The following ELP1 variants were observed in gnomAD, a reference collection of about 807,000 sequenced individuals.
ELP1 encodes the protein elongator complex protein 1.
Under a neutral mutation model 183.2 loss-of-function variants are expected in ELP1, and 131 were observed. The ratio of observed to expected loss-of-function variants is 0.72; its 90% CI spans 0.62 to 0.83. ELP1 has a LOEUF of 0.83. Among genes scored for constraint, ELP1 ranks in the 40% least tolerant of loss-of-function variants. ELP1 has a pLI of 0.00. For missense variants in ELP1, 1,550 were observed against 1,594.9 expected (o/e 0.97, Z 0.48); for synonymous variants, 555 against 569.0 (o/e 0.98, Z 0.35).
chr9:108,916,306 GA>G lies in ELP1; in HGVS notation c.865-10del. The G allele has an allele frequency of 6.2e-7, 1 of 1,605,234 alleles. No homozygotes were observed. The highest frequency in any genetic ancestry group is 8.5e-7 in the Non-Finnish European group (1 of 1,172,022). On this transcript the variant is annotated splice_polypyrimidine_tract_variant and intron_variant, in intron 9 of 36. Transcript: ENST00000374647. ...CAGAGCAAGTCATTTACCTAGAAGG[GA>G]AAAAAGATCTGTCATTGGCTTTCAG...
chr9:108,871,390 C>T (rs1827454624), intron 36 of ELP1, among the ~76,000 whole-genome samples: 1 of 152,138 alleles, frequency 6.6e-6, no homozygotes, highest in Admixed American at 6.5e-5. Context: ...CTTTAAAAGG[C>T]AGTCCCCTTA....
At position 108,917,553 on chromosome 9, in the gene ELP1, C is replaced by T. The variant is rs147517999; in HGVS notation, c.858G>A (p.Glu286=). The T allele has an allele frequency of 3.7e-6, 6 of 1,613,654 alleles. No individual in the cohort carries two copies. In the African/African-American group the frequency reaches 6.7e-5, roughly 18 times the overall value. The change falls in exon 9 of 37, where the codon GAG becomes GAA. Residue 286 remains glutamate (E), a synonymous_variant. Transcript: ENST00000374647. The stretch of plus-strand genomic sequence containing the variant: ...AACAAACTCAGGCACTTACCTTAAC[C>T]TCATCTTTAAGGAAGGGAAGTGTAA... ...GHFTLPFLKD[E]VKVNDLLWNA... is the part of the protein sequence containing the mutation.
intron 29 of ELP1, among the ~76,000 whole-genome samples, chr9:108,885,533 A>G (rs1828092805): frequency 1.3e-5 from 2 of 152,220 alleles, no homozygotes; most frequent in Non-Finnish European, 2.9e-5. Flanking sequence ...CTTTCATTAA[A>G]GAAAACTCCT....
chr9:108,919,794 TGGTAAAGGCAG>T (rs1473632346), intron 6 of ELP1, among the ~76,000 whole-genome samples: 1 of 151,642 alleles, frequency 6.6e-6, no homozygotes, highest in East Asian at 1.9e-4. Context: ...GCCACAGAGG[TGGTAAAGGCAG>T]CAGCAGACAA....
In ELP1 at chr9:108,875,046, C is replaced by T. The variant is rs1306132914; in HGVS notation, c.3856-76G>A. 4.2e-6 allele frequency: 4 copies of T among 962,552 alleles called. No homozygotes were observed. In the South Asian group the frequency reaches 5.1e-5, roughly 12 times the overall value. The allele number at this position is 962,552 out of a possible 1,614,324, so 59.6% of individuals were successfully genotyped here. On this transcript the variant is annotated intron_variant, in intron 35 of 36. Transcript: ENST00000374647. ...ACTGCCAATACCAAAGGCCAAATCC[C>T]TACCCCCAGAAAACAGCCTGTCATT... is the stretch of plus-strand genomic sequence containing the variant.
At chr9:108,920,552 G>A (rs1829608437) in intron 6 of ELP1, among the ~76,000 whole-genome samples, 1 of 152,188 alleles carries the variant, frequency 6.6e-6, no homozygotes, top group African/African-American at 2.4e-5. Context: ...AAAGTGCTGG[G>A]ATTGCAGGCA....
intron 25 of ELP1, among the ~76,000 whole-genome samples, chr9:108,895,222 T>G (rs1828494196): frequency 6.6e-6 from 1 of 152,020 alleles, no homozygotes. Context: ...GAGCCCGACC[T>G]TGTCTCAAAA....
chr9:108,878,065 G>A lies in ELP1; in HGVS notation c.3785C>T (p.Thr1262Met), dbSNP rs199723919. The part of the protein sequence containing the change: ...GRELQKAFED[T>M]LQLMERSLPE... ...AAGTGACCTTTCCATCAACTGCAGC[G>A]TATCTTCAAAGGCCTTCTGTAATTC... Residue 1262 changes from threonine (T) to methionine (M), a missense_variant, in exon 35 of 37, where the codon ACG becomes ATG. Physicochemically the swap from Thr to Met is moderately conservative, Grantham distance 81. Transcript: ENST00000374647. The A allele has an allele frequency of 4.1e-5, 66 of 1,613,724 alleles. No individual in the cohort carries two copies. The highest frequency in any genetic ancestry group is 8.9e-5 in the East Asian group (4 of 44,880).
At chr9:108,885,961 A>G (rs1011524106) in intron 29 of ELP1, among the ~76,000 whole-genome samples, 1 of 152,236 alleles carries the variant, frequency 6.6e-6, no homozygotes, top group Non-Finnish European at 1.5e-5. Context: ...CTTCTTGCAT[A>G]AACAGGCCTT....
intron 18 of ELP1, among the ~76,000 whole-genome samples, chr9:108,900,818 T>C (rs1489106312): frequency 6.2e-5 from 6 of 96,452 alleles, no homozygotes; most frequent in Admixed American, 1.1e-4. Flanking sequence ...CACACACACA[T>C]ACACGCCACA....
intron 10 of ELP1, among the ~76,000 whole-genome samples, chr9:108,915,018 G>A (rs1220041232): frequency 6.6e-6 from 1 of 152,070 alleles, no homozygotes; most frequent in African/African-American, 2.4e-5. Flanking sequence ...TTTGAATAGT[G>A]ATTATTACGA....
chr9:108,893,256 A>G (rs747810971), intron 26 of ELP1, among the ~76,000 whole-genome samples, 173 bp from the exon 27 acceptor site: 3 of 152,226 alleles, frequency 2.0e-5, no homozygotes, highest in Non-Finnish European at 4.4e-5. Context: ...GCACCACTGC[A>G]GATTCTGAGG....
Position 108,889,407 on chromosome 9 carries a change from A to T in ELP1, c.3161-14T>A. 1 of 1,613,418 alleles carries T rather than the reference A, an allele frequency of 6.2e-7. No homozygotes were observed. The highest frequency in any genetic ancestry group is 8.5e-7 in the Non-Finnish European group (1 of 1,179,346). On this transcript the variant is annotated splice_polypyrimidine_tract_variant and intron_variant, in intron 28 of 36. Coordinates refer to ENST00000374647, the MANE Select transcript of ELP1 (RefSeq NM_003640.5). ...CAACCAGCTTTCCTGTAGAGACAATAAGCAGCAGTTGACTACAAAGTTAAA... is the reference window on the plus strand; with the variant it reads ...CAACCAGCTTTCCTGTAGAGACAATTAGCAGCAGTTGACTACAAAGTTAAA...
chr9:108,878,558 C>A, intron 34 of ELP1, 65 bp downstream of exon 34: 1 of 1,604,370 alleles, frequency 6.2e-7, no homozygotes, highest in Middle Eastern at 1.7e-4. Flanking sequence ...CTGAACTCTG[C>A]CTGTCTGTAC....
At position 108,914,664 on chromosome 9, in the gene ELP1, C is replaced by T. The variant is rs372142335; in HGVS notation, c.958+1540G>A. 4.6e-5 allele frequency among the ~76,000 whole-genome samples: 7 copies of T among 152,196 alleles called. No individual in the cohort carries two copies. The East Asian group carries it at 1.4e-3, about 30-fold the overall frequency. ...GTTTTGAGACAGTCTCACTCTGTCG[C>T]CAAGGCTGGAGTGCAGTGGCACGAT... On this transcript the variant is annotated intron_variant, in intron 10 of 36. Coordinates refer to ENST00000374647, the MANE Select transcript of ELP1 (RefSeq NM_003640.5).
rs974459452 is a variant in ELP1 at position 108,879,356 on chromosome 9, C to T, written c.3572+90G>A. The T allele has an allele frequency of 1.6e-5, 15 of 927,116 alleles. No homozygotes were observed. The African/African-American group carries it at 1.8e-4, about 11-fold the overall frequency. 57.4% of individuals were successfully genotyped at this position (927,116 alleles called of 1,614,324 possible). A position where few individuals can be genotyped will look rare whatever the true frequency, so the allele number is the denominator to read the frequency against. On this transcript the variant is annotated intron_variant, in intron 33 of 36. Transcript: ENST00000374647. ...AAGAATATTCTCCCCACTCCCACTA[C>T]ACCGTCCCAGTAGAAAACCAATCTA...
chr9:108,929,472 G>T (rs1351916490), intron 3 of ELP1, among the ~76,000 whole-genome samples: 1 of 105,774 alleles, frequency 9.5e-6, no homozygotes, highest in Non-Finnish European at 2.1e-5. Context: ...GGTCTGATAA[G>T]AGGTGATCTA....
chr9:108,910,494 G>C (rs926948872), intron 12 of ELP1, among the ~76,000 whole-genome samples: 1 of 152,210 alleles, frequency 6.6e-6, no homozygotes, highest in African/African-American at 2.4e-5. Flanking sequence ...CATCAGGAAA[G>C]TAATGAAGAA....
intron 11 of ELP1, 42 bp downstream of exon 11, chr9:108,912,222 G>A: frequency 6.8e-7 from 1 of 1,475,122 alleles, no homozygotes; most frequent in South Asian, 1.1e-5. Context: ...CCTAGGCTCA[G>A]GACCCCTTGC....
Sources: gnomAD v4.1 joint callset for allele counts (sites outside exome capture counted in the v4.1 genomes callset) on GRCh38, gnomAD v4.1.1 for gene constraint, MANE v1.5 for transcripts, NCBI Gene and HGNC (gene_info 2026-07-23, HGNC 2026-07-21) for gene names.